Variants in AGT observed in about 807,000 individuals in gnomAD.
AGT encodes angiotensinogen, also known as alpha-1 antiproteinase, antitrypsin.
A neutral mutation model predicts 28.1 loss-of-function variants in AGT; 26 were observed. That is an observed-to-expected ratio of 0.92 (90% CI 0.68 to 1.28). AGT has a LOEUF of 1.28. Among genes scored for constraint, AGT ranks in the 50% most tolerant of loss-of-function variants. AGT has a pLI of 0.00. For synonymous variants in AGT, 259 were observed against 259.6 expected, an observed-to-expected ratio of 1.00 and a Z score of 0.02; for missense variants, 596 against 592.3, an observed-to-expected ratio of 1.01 and a Z score of -0.06.
chr1:230,704,799 T>A (rs1176506077), intron 3 of AGT, among the ~76,000 whole-genome samples: 1 of 152,184 alleles, frequency 6.6e-6, no homozygotes, highest in Non-Finnish European at 1.5e-5. Flanking sequence ...TTGATCTTCG[T>A]ATAGAGCCTC....
At chr1:230,736,742 C>A (rs948781126) in intron 1 of AGT, among the ~76,000 whole-genome samples, 1 of 152,134 alleles carries the variant, frequency 6.6e-6, no homozygotes, top group Non-Finnish European at 1.5e-5. Flanking sequence ...TCTAGCAGCA[C>A]TTTGGGGCAA....
intron 1 of AGT, among the ~76,000 whole-genome samples, chr1:230,739,115 T>C (rs530637949): frequency 6.6e-6 from 1 of 151,906 alleles, no homozygotes; most frequent in East Asian, 1.9e-4. Context: ...CCCAGCACTT[T>C]GGGAGGCCAA....
At position 230,706,080 on chromosome 1, in the gene AGT, T is replaced by C. The variant is rs748657044; in HGVS notation, c.950A>G (p.Gln317Arg). 8 of 1,613,792 alleles carry C rather than the reference T, an allele frequency of 5.0e-6. No individual in the cohort carries two copies. The highest frequency in any genetic ancestry group is 6.8e-6 in the Non-Finnish European group (8 of 1,179,986). The change falls in exon 3 of 5, where the codon CAG becomes CGG. Residue 317 changes from glutamine to arginine, a missense_variant. Physicochemically the swap from Gln to Arg is conservative, Grantham distance 43 (BLOSUM62 1). Transcript: ENST00000366667. ...CACTTGAGTCACCGAGAAGTTGTCCTGGATGTCACTCCAGTGCTGGAAGGT... is the reference window on the plus strand; with the variant it reads ...CACTTGAGTCACCGAGAAGTTGTCCCGGATGTCACTCCAGTGCTGGAAGGT... ...MGTFQHWSDIQDNFSVTQVPF... is the reference protein window; with the variant it reads ...MGTFQHWSDIRDNFSVTQVPF...
chr1:230,743,772 T>G (rs1391021109), intron 1 of AGT, among the ~76,000 whole-genome samples: 1 of 152,216 alleles, frequency 6.6e-6, no homozygotes, highest in African/African-American at 2.4e-5. Context: ...TTCTGAGCAT[T>G]TGTCCTTGGG....
intron 1 of AGT, among the ~76,000 whole-genome samples, chr1:230,712,114 G>T (rs1215108956): frequency 2.0e-5 from 3 of 152,138 alleles, no homozygotes; most frequent in African/African-American, 7.2e-5. Flanking sequence ...TGTGGAGGGG[G>T]GTGTACTGCA....
intron 4 of AGT, 73 bp from the exon 5 acceptor site, chr1:230,703,402 C>A (rs142379057): frequency 1.3e-6 from 2 of 1,539,210 alleles, no homozygotes; most frequent in Non-Finnish European, 9.0e-7. Context: ...GCTAGAGGGC[C>A]GGGGTGGGCT....
intron 1 of AGT, among the ~76,000 whole-genome samples, chr1:230,739,390 G>C (rs1245569676): frequency 6.6e-6 from 1 of 151,876 alleles, no homozygotes; most frequent in East Asian, 1.9e-4. Flanking sequence ...ATGGGGCGGG[G>C]GGTGGCTGGG....
chr1:230,718,741 T>TTTTTTTGG (rs1663788695), upstream of AGT, among the ~76,000 whole-genome samples: 1 of 148,658 alleles, frequency 6.7e-6, no homozygotes, highest in East Asian at 1.9e-4. Flanking sequence ...TTTTTTTTTT[T>TTTTTTTGG]GTGAGACAGG....
At chr1:230,723,277 T>A (rs1260532414) in intron 1 of AGT, among the ~76,000 whole-genome samples, 1 of 152,210 alleles carries the variant, frequency 6.6e-6, no homozygotes, top group Non-Finnish European at 1.5e-5. Flanking sequence ...CCTCTTTCCC[T>A]TATAAATTAC....
At chr1:230,744,410 G>C (rs930788896) in intron 1 of AGT, among the ~76,000 whole-genome samples, 10 of 152,196 alleles carry the variant, frequency 6.6e-5, no homozygotes, top group African/African-American at 2.4e-4. Flanking sequence ...GAGAAGTCCG[G>C]TGCCATGAGC....
intron 1 of AGT, among the ~76,000 whole-genome samples, chr1:230,712,830 C>G (rs913147): frequency 1.3e-5 from 2 of 152,154 alleles, no homozygotes; most frequent in East Asian, 1.9e-4. Context: ...TCTGGGGTGG[C>G]GGGCCTGACA....
At chr1:230,735,256 G>A (rs888444762) in intron 1 of AGT, among the ~76,000 whole-genome samples, 8 of 152,138 alleles carry the variant, frequency 5.3e-5, no homozygotes, top group South Asian at 4.2e-4. Flanking sequence ...CGACTGCAGC[G>A]GGAGAAGGGG....
At chr1:230,709,100 G>C (rs1438183898) in intron 2 of AGT, among the ~76,000 whole-genome samples, 3 of 152,178 alleles carry the variant, frequency 2.0e-5, no homozygotes, top group African/African-American at 7.2e-5. Context: ...AGGCTTCCCT[G>C]AGTTACCTTG....
At chr1:230,740,246 T>G (rs1571990023) in intron 1 of AGT, among the ~76,000 whole-genome samples, 1 of 152,204 alleles carries the variant, frequency 6.6e-6, no homozygotes, top group Non-Finnish European at 1.5e-5. Flanking sequence ...CAGAGGTCAC[T>G]TTCATCGCCA....
chr1:230,706,465 C>G (rs559759864), intron 2 of AGT, among the ~76,000 whole-genome samples: 1 of 152,154 alleles, frequency 6.6e-6, no homozygotes, highest in South Asian at 2.1e-4. Context: ...GGCACCAAAC[C>G]GGGGGTTTTG....
chr1:230,705,996 T>G lies in AGT; in HGVS notation c.1034A>C (p.Asp345Ala). Residue 345 changes from aspartate (D) to alanine (A), a missense_variant, in exon 3 of 5, where the codon GAC becomes GCC. Physicochemically the swap from Asp to Ala is moderately radical, Grantham distance 126. Transcript: ENST00000366667. ...LIQPHYASDL[D>A]KVEGLTFQQN... is the part of the protein sequence containing the mutation. Reference sequence around the variant, plus strand: ...CTGGAAAGTGAGACCCTCCACCTTGTCCAGGTCAGAGGCATAGTGAGGCTG... The same window carrying G: ...CTGGAAAGTGAGACCCTCCACCTTGGCCAGGTCAGAGGCATAGTGAGGCTG... 1 of 1,614,104 alleles carries G rather than the reference T, an allele frequency of 6.2e-7. No homozygotes were observed. The highest frequency in any genetic ancestry group is 8.5e-7 in the Non-Finnish European group (1 of 1,179,998).
At chr1:230,715,681 C>T (rs11568016), upstream of AGT, among the ~76,000 whole-genome samples, 1 of 152,068 alleles carries the variant, frequency 6.6e-6, no homozygotes, top group Non-Finnish European at 1.5e-5. Flanking sequence ...AGTAACAAGT[C>T]CACCTGGACA....
At position 230,704,190 on chromosome 1, in the gene AGT, T is replaced by TA; in HGVS notation, c.1242+2dup. ...TCAGGCACAGACACAGGCTCACACA[T>TA]ACCTCCCCCACCCTGATGCGGTCAT... is the stretch of plus-strand genomic sequence containing the variant. On this transcript the variant is annotated splice_region_variant and intron_variant, in intron 4 of 4. Coordinates refer to ENST00000366667, the MANE Select transcript of AGT (RefSeq NM_001384479.1). 6.2e-7 allele frequency: 1 copy of TA among 1,614,196 alleles called. No individual in the cohort carries two copies. Among genetic ancestry groups the TA allele is most frequent in the Non-Finnish European group, 8.5e-7 (1 of 1,180,026 alleles).
At chr1:230,730,858 G>T (rs1664038516) in intron 1 of AGT, among the ~76,000 whole-genome samples, 1 of 152,138 alleles carries the variant, frequency 6.6e-6, no homozygotes, top group South Asian at 2.1e-4. Context: ...ATTAGGCCCA[G>T]ATAGGCATTA....
Sources: gnomAD v4.1 joint callset for allele counts (sites outside exome capture counted in the v4.1 genomes callset) on GRCh38, gnomAD v4.1.1 for gene constraint, MANE v1.5 for transcripts, NCBI Gene and HGNC (gene_info 2026-07-23, HGNC 2026-07-21) for gene names.